PSTPIP2: variants seen among roughly 807,000 people sequenced by gnomAD.
The protein encoded by PSTPIP2 is proline-serine-threonine phosphatase-interacting protein 2.
In PSTPIP2, 33 loss-of-function variants were observed where a neutral mutation model predicts 63.3. The observed-to-expected ratio is 0.52, with a 90% CI of 0.40 to 0.70. The LOEUF (loss-of-function observed/expected upper bound fraction) is 0.70. Ranked by LOEUF, PSTPIP2 falls within the 30% of genes least tolerant of loss-of-function variation. The pLI is 0.00. For missense variants in PSTPIP2, 312 were observed against 400.7 expected, an observed-to-expected ratio of 0.78 and a Z score of 1.89; for synonymous variants, 125 against 132.7, an observed-to-expected ratio of 0.94 and a Z score of 0.40.
intron 2 of PSTPIP2, among the ~76,000 whole-genome samples, chr18:46,037,108 A>G (rs1021250111): frequency 1.3e-5 from 2 of 152,168 alleles, no homozygotes; most frequent in African/African-American, 4.8e-5. Flanking sequence ...TGTCTCTAAG[A>G]ACCACAAATA....
chr18:46,003,192 A>T (rs2051686781), intron 6 of PSTPIP2, among the ~76,000 whole-genome samples: 1 of 152,008 alleles, frequency 6.6e-6, no homozygotes, highest in South Asian at 2.1e-4. Flanking sequence ...TCTCCACTAG[A>T]CCTCCTTAGA....
chr18:46,071,477 ACCCCCTCCAGCTTATAGGGTCT>A (rs1451035080), intron 1 of PSTPIP2, among the ~76,000 whole-genome samples: 3 of 151,642 alleles, frequency 2.0e-5, no homozygotes, highest in East Asian at 3.9e-4. Context: ...TGGGTGGGGT[ACCCCCTCCAGCTTATAGGGTCT>A]CCCACACCAT....
intron 2 of PSTPIP2, among the ~76,000 whole-genome samples, chr18:46,037,708 A>AG: frequency 6.6e-6 from 1 of 152,206 alleles, no homozygotes; most frequent in Non-Finnish European, 1.5e-5. Context: ...GCGTGCCACC[A>AG]GGAACAGAGG....
chr18:45,993,679 G>T lies in PSTPIP2; in HGVS notation c.667C>A (p.Arg223=). The change falls in exon 10 of 15, where the codon CGA becomes AGA. Residue 223 remains arginine, a synonymous_variant. Coordinates refer to ENST00000409746, the MANE Select transcript of PSTPIP2 (RefSeq NM_024430.4). ...CEAFEAQECE[R]INFFRNALWL... ...AATGCATTCCGGAAGAAGTTTATTC[G>T]TTCACATTCTTGAGCCTCAAATGCC... The T allele has an allele frequency of 1.2e-6, 2 of 1,614,054 alleles. No individual in the cohort carries two copies. The highest frequency in any genetic ancestry group is 1.7e-6 in the Non-Finnish European group (2 of 1,179,982).
intron 9 of PSTPIP2, chr18:45,993,959 C>T (rs2144062081): frequency 2.3e-6 from 1 of 436,394 alleles, no homozygotes; most frequent in Non-Finnish European, 4.3e-6. Context: ...TCCCAGATAC[C>T]AATGTTCTAA....
At position 46,011,166 on chromosome 18, in the gene PSTPIP2, G is replaced by T; in HGVS notation, c.354+15C>A. ...AGGAGGAAAGGAAACACCTTAACAC[G>T]TATGCAAATCCAACCTTTTTTCGTT... On this transcript the variant is annotated intron_variant, in intron 5 of 14. Coordinates refer to ENST00000409746, the MANE Select transcript of PSTPIP2 (RefSeq NM_024430.4). 5 of 1,592,878 alleles carry T rather than the reference G, an allele frequency of 3.1e-6. No homozygotes were observed. Among genetic ancestry groups the T allele is most frequent in the Non-Finnish European group, 4.3e-6 (5 of 1,160,812 alleles).
chr18:45,997,312 T>G (rs1218301381), intron 9 of PSTPIP2, among the ~76,000 whole-genome samples: 1 of 152,030 alleles, frequency 6.6e-6, no homozygotes, highest in Non-Finnish European at 1.5e-5. Context: ...CCTCAGCCTC[T>G]AGAATAGCTG....
intron 1 of PSTPIP2, among the ~76,000 whole-genome samples, chr18:46,063,490 A>T (rs930287342): frequency 1.3e-5 from 2 of 152,150 alleles, no homozygotes; most frequent in Non-Finnish European, 2.9e-5. Context: ...GGGCACACAC[A>T]TTCTTTGGCT....
chr18:46,007,481 C>G (rs951048954), intron 5 of PSTPIP2, among the ~76,000 whole-genome samples: 1 of 152,250 alleles, frequency 6.6e-6, no homozygotes, highest in African/African-American at 2.4e-5. Flanking sequence ...AGTCAGGAAC[C>G]TGCGGTTCAC....
intron 2 of PSTPIP2, chr18:46,028,558 A>C: frequency 1.4e-6 from 1 of 726,978 alleles, no homozygotes; most frequent in Non-Finnish European, 2.4e-6. Context: ...GTTCAAGGAC[A>C]TGAAGACTTG....
chr18:46,050,918 G>A (rs1048309882), intron 1 of PSTPIP2, among the ~76,000 whole-genome samples: 4 of 151,010 alleles, frequency 2.6e-5, no homozygotes, highest in Non-Finnish European at 4.4e-5. Context: ...GCTGGAGTGC[G>A]GTGGTGCAAT....
At chr18:45,990,784 T>C (rs1465021820) in intron 12 of PSTPIP2, 28 bp from the exon 13 acceptor site, 13 of 1,552,350 alleles carry the variant, frequency 8.4e-6, no homozygotes, top group Non-Finnish European at 1.1e-5. Flanking sequence ...CAAAGTATTT[T>C]AGATAAGTTC....
intron 5 of PSTPIP2, among the ~76,000 whole-genome samples, chr18:46,008,874 C>G (rs1021179983): frequency 6.6e-6 from 1 of 152,150 alleles, no homozygotes; most frequent in Admixed American, 6.5e-5. Context: ...CCCTCCCTAC[C>G]CTGCCAACCC....
At chr18:46,064,282 C>CTTTTTTTTTT (rs56236802) in intron 1 of PSTPIP2, among the ~76,000 whole-genome samples, 316 of 71,552 alleles carry the variant, frequency 4.4e-3, no homozygotes, top group East Asian at 6.6e-3. Flanking sequence ...CTTTTTCTTT[C>CTTTTTTTTTT]TTTTTTTTTT....
At chr18:46,033,213 G>A (rs946244409) in intron 2 of PSTPIP2, among the ~76,000 whole-genome samples, 31 of 152,222 alleles carry the variant, frequency 2.0e-4, no homozygotes, top group Admixed American at 5.9e-4. Flanking sequence ...TATTTCCCAT[G>A]ATGCTCTCAG....
intron 1 of PSTPIP2, among the ~76,000 whole-genome samples, chr18:46,042,723 G>A (rs1186938591): frequency 6.6e-6 from 1 of 152,178 alleles, no homozygotes; most frequent in Non-Finnish European, 1.5e-5. Flanking sequence ...CCGGTTTGTA[G>A]ACAGGAGTCT....
rs58786055 is a variant in PSTPIP2 at position 45,985,433 on chromosome 18, C to T, written c.*26G>A. The T allele has an allele frequency of 5.9e-5, 95 of 1,612,208 alleles. No homozygotes were observed. In the East Asian group the frequency reaches 7.4e-4, roughly 13 times the overall value. Reference sequence around the variant, plus strand: ...CTTTCCATATCACAGAAGCACTAGCCGGAAAAAGCTCTGGTTTCTGAAAGA... The same window carrying T: ...CTTTCCATATCACAGAAGCACTAGCTGGAAAAAGCTCTGGTTTCTGAAAGA... On this transcript the variant is annotated 3_prime_UTR_variant, in exon 15 of 15. Transcript: ENST00000409746.
At chr18:46,064,109 G>C (rs1909085586) in intron 1 of PSTPIP2, among the ~76,000 whole-genome samples, 1 of 152,118 alleles carries the variant, frequency 6.6e-6, no homozygotes, top group South Asian at 2.1e-4. Flanking sequence ...TGACCAATCA[G>C]GGGCTTGTAG....
chr18:46,053,798 C>T (rs1908659272), intron 1 of PSTPIP2, among the ~76,000 whole-genome samples: 1 of 152,110 alleles, frequency 6.6e-6, no homozygotes, highest in Admixed American at 6.5e-5. Context: ...AAGAAATGAG[C>T]TATCAAGCCA....
Sources: gnomAD v4.1 joint callset for allele counts (sites outside exome capture counted in the v4.1 genomes callset) on GRCh38, gnomAD v4.1.1 for gene constraint, MANE v1.5 for transcripts, NCBI Gene and HGNC (gene_info 2026-07-23, HGNC 2026-07-21) for gene names.